TUBA3E: variants seen among roughly 807,000 people sequenced by gnomAD.
The protein encoded by TUBA3E is tubulin alpha 3e.
In TUBA3E, 21 loss-of-function variants were observed where a neutral mutation model predicts 36.7. The ratio of observed to expected loss-of-function variants is 0.57; its 90% CI spans 0.41 to 0.83. The LOEUF is 0.83. Ranked by LOEUF, TUBA3E falls within the 40% of genes least tolerant of loss-of-function variation. The probability of loss-of-function intolerance (pLI) is 0.00; values close to 1 mark genes in which losing one functional copy is unlikely to be tolerated. For missense variants in TUBA3E, 469 were observed against 604.2 expected (o/e 0.78, Z 2.35); for synonymous variants, 177 against 241.9 (o/e 0.73, Z 2.49).
intron 1 of TUBA3E, 145 bp from the exon 2 acceptor site, chr2:130,196,516 C>A (rs1690409212): frequency 8.9e-7 from 1 of 1,121,092 alleles, no homozygotes; most frequent in South Asian, 1.7e-5. Context: ...GGGTTAGTGA[C>A]TGATCCCTTT....
chr2:130,198,386 C>G lies in TUBA3E; in HGVS notation c.-26G>C, dbSNP rs6758642. On this transcript the variant is annotated 5_prime_UTR_variant, in exon 1 of 5. Transcript: ENST00000312988. ...GGCGAACTCCGCTGCTTCAGCCCAA[C>G]GCTACTTCCAGACCTCAACCGGCTG... 8 of 1,356,296 alleles carry G rather than the reference C, an allele frequency of 5.9e-6. 3 individuals are homozygous for G. Among genetic ancestry groups the G allele is most frequent in the Non-Finnish European group, 6.0e-6 (6 of 995,478 alleles). 84.0% of individuals were successfully genotyped at this position (1,356,296 alleles called of 1,614,324 possible). A position where few individuals can be genotyped will look rare whatever the true frequency, so the allele number is the denominator to read the frequency against.
intron 2 of TUBA3E, 41 bp from the exon 3 acceptor site, chr2:130,195,268 G>A (rs1457640782): frequency 1.2e-6 from 2 of 1,603,368 alleles, no homozygotes; most frequent in Admixed American, 1.7e-5. Flanking sequence ...TTTAAGGCCT[G>A]TACTCACCAA....
chr2:130,192,137 A>G lies in TUBA3E; in HGVS notation c.1057-10T>C. On this transcript the variant is annotated splice_polypyrimidine_tract_variant and intron_variant, in intron 4 of 4. Coordinates refer to ENST00000312988, the MANE Select transcript of TUBA3E (RefSeq NM_207312.3). ...GGTAGTTAATGCCCACCTGCCAGAG[A>G]AGGGAAAGAAAGCAGTCCGTGAAGC... 1 of 1,589,254 alleles carries G rather than the reference A, an allele frequency of 6.3e-7. No individual in the cohort carries two copies. The highest frequency in any genetic ancestry group is 8.6e-7 in the Non-Finnish European group (1 of 1,166,996).
At chr2:130,195,425 C>T (rs555284685) in intron 2 of TUBA3E, among the ~76,000 whole-genome samples, 198 bp from the exon 3 acceptor site, 10 of 152,232 alleles carry the variant, frequency 6.6e-5, no homozygotes, top group African/African-American at 1.4e-4. Context: ...TATGACTCTA[C>T]GACGTTAAAC....
chr2:130,197,505 A>AG (rs1690440131), intron 1 of TUBA3E, among the ~76,000 whole-genome samples: 1 of 109,048 alleles, frequency 9.2e-6, no homozygotes, highest in African/African-American at 4.3e-5. Flanking sequence ...AAAAAAAAAA[A>AG]AAAGAAAAGA....
At chr2:130,192,939 C>A (rs1340894263) in intron 4 of TUBA3E, among the ~76,000 whole-genome samples, 3 of 152,058 alleles carry the variant, frequency 2.0e-5, no homozygotes, top group Non-Finnish European at 2.9e-5. Flanking sequence ...ACTAAAAATA[C>A]AAAAATTAGC....
At chr2:130,196,417 T>G in intron 1 of TUBA3E, 46 bp from the exon 2 acceptor site, 1 of 1,594,516 alleles carries the variant, frequency 6.3e-7, no homozygotes, top group Non-Finnish European at 8.6e-7. Context: ...TCAAGGCAAC[T>G]TGAAACTATA....
rs371380104 is a variant in TUBA3E at position 130,195,172 on chromosome 2, G to A, written c.282C>T (p.Thr94=). The change falls in exon 3 of 5, where the codon ACC becomes ACT. Residue 94 remains threonine, a synonymous_variant. Transcript: ENST00000312988. ...RQLFHPEQLI[T]GKEDAASNYA... is the part of the protein sequence containing the mutation. ...AATTACTGGCTGCATCTTCCTTCCCGGTGATCAGCTGCTCTGGGTGGAAGA... is the reference window on the plus strand; with the variant it reads ...AATTACTGGCTGCATCTTCCTTCCCAGTGATCAGCTGCTCTGGGTGGAAGA... The A allele has an allele frequency of 4.5e-5, 72 of 1,613,894 alleles. 2 individuals carry two copies. The African/African-American group carries it at 5.3e-4, about 12-fold the overall frequency.
Position 130,194,169 on chromosome 2 carries a change from T to C in TUBA3E, c.673A>G (p.Thr225Ala). 3 of 1,613,756 alleles carry C rather than the reference T, an allele frequency of 1.9e-6. No homozygotes were observed. The highest frequency in any genetic ancestry group is 2.5e-6 in the Non-Finnish European group (3 of 1,180,000). Residue 225 changes from threonine (T) to alanine (A), a missense_variant, in exon 4 of 5, where the codon ACC becomes GCC. By Grantham distance (58) the Thr-to-Ala change is moderately conservative. This residue lies in a region of TUBA3E where 296 missense variants were observed against 346.9 expected (regional missense o/e 0.85). Transcript: ENST00000312988. ...RNLDIERPTYTNLNRLIGQIV... is the reference protein window; with the variant it reads ...RNLDIERPTYANLNRLIGQIV... ...TGCCCAATCAGGCGATTGAGGTTGG[T>C]GTACGTGGGACGTTCAATGTCCAGG...
rs922057429 is a variant in TUBA3E at position 130,196,416 on chromosome 2, C to T, written c.4-45G>A. On this transcript the variant is annotated intron_variant, in intron 1 of 4. Coordinates refer to ENST00000312988, the MANE Select transcript of TUBA3E (RefSeq NM_207312.3). Reference sequence around the variant, plus strand: ...TGTGAACCCATTCATTTCAAGGCAACTTGAAACTATATGGCATGCAAAATA... The same window carrying T: ...TGTGAACCCATTCATTTCAAGGCAATTTGAAACTATATGGCATGCAAAATA... The T allele has an allele frequency of 3.1e-6, 5 of 1,594,540 alleles. No homozygotes were observed. The African/African-American group carries it at 6.7e-5, about 21-fold the overall frequency.
At position 130,198,382 on chromosome 2, in the gene TUBA3E, C is replaced by T. The variant is rs758345235; in HGVS notation, c.-22G>A. 7.4e-7 allele frequency: 1 copy of T among 1,356,988 alleles called. No individual in the cohort carries two copies. The highest frequency in any genetic ancestry group is 1.0e-6 in the Non-Finnish European group (1 of 995,566). The allele number at this position is 1,356,988 out of a possible 1,614,324, so 84.1% of individuals were successfully genotyped here. ...CCATGGCGAACTCCGCTGCTTCAGC[C>T]CAACGCTACTTCCAGACCTCAACCG... On this transcript the variant is annotated 5_prime_UTR_variant, in exon 1 of 5. Transcript: ENST00000312988.
intron 1 of TUBA3E, 71 bp from the exon 2 acceptor site, chr2:130,196,442 T>C: frequency 1.3e-6 from 2 of 1,558,572 alleles, no homozygotes; most frequent in South Asian, 2.4e-5. Context: ...ATGCAAAATA[T>C]TCTAATTTAA....
rs781384429 is a variant in TUBA3E at position 130,192,030 on chromosome 2, G to T, written c.1154C>A (p.Ala385Glu). ...ATGGACCAGGCGGGCCCAGGCCTCC[G>T]CAATGGCCGTGGTGTTGCTCAGCAT... ...VCMLSNTTAI[A>E]EAWARLVHKF... is the part of the protein sequence containing the mutation. The change falls in exon 5 of 5, where the codon GCG becomes GAG. Residue 385 changes from alanine (A) to glutamate (E), a missense_variant. By Grantham distance (107) the Ala-to-Glu change is moderately radical (BLOSUM62 -1). This residue lies in a region of TUBA3E where 296 missense variants were observed against 346.9 expected (regional missense o/e 0.85). Transcript: ENST00000312988. 16 of 1,613,920 alleles carry T rather than the reference G, an allele frequency of 9.9e-6. No homozygotes were observed. Among genetic ancestry groups the T allele is most frequent in the Admixed American group, 1.7e-5 (1 of 59,994 alleles).
chr2:130,193,672 C>T (rs1013770858), intron 4 of TUBA3E, 114 bp downstream of exon 4: 6 of 1,316,576 alleles, frequency 4.6e-6, no homozygotes, highest in Non-Finnish European at 6.2e-6. Flanking sequence ...CTTATGCCCA[C>T]ATGCCTAGCC....
Position 130,194,595 on chromosome 2 carries a change from A to G in TUBA3E, c.376-129T>C, listed in dbSNP as rs1690359415. The G allele has an allele frequency of 3.3e-6, 4 of 1,221,696 alleles. No individual in the cohort carries two copies. In the African/African-American group the frequency reaches 4.6e-5, roughly 14 times the overall value. The allele number at this position is 1,221,696 out of a possible 1,614,324, so 75.7% of individuals were successfully genotyped here. On this transcript the variant is annotated intron_variant, in intron 3 of 4. Transcript: ENST00000312988. Reference sequence around the variant, plus strand: ...TTCAAATCATCCATAATAAACATGCAATACACTTTGAAGCAAAGAAAAGCA... The same window carrying G: ...TTCAAATCATCCATAATAAACATGCGATACACTTTGAAGCAAAGAAAAGCA...
chr2:130,194,516 C>G, intron 3 of TUBA3E, 50 bp from the exon 4 acceptor site: 6 of 1,501,534 alleles, frequency 4.0e-6, no homozygotes, highest in Non-Finnish European at 5.4e-6. Flanking sequence ...GCCACACCAC[C>G]AACCTCCAAC....
At position 130,192,056 on chromosome 2, in the gene TUBA3E, G is replaced by C. The variant is rs553741083; in HGVS notation, c.1128C>G (p.Cys376Trp). 1.1e-5 allele frequency: 18 copies of C among 1,614,006 alleles called. No homozygotes were observed. The highest frequency in any genetic ancestry group is 1.5e-5 in the Non-Finnish European group (18 of 1,179,926). Residue 376 changes from cysteine (C) to tryptophan (W), a missense_variant, in exon 5 of 5, where the codon TGC becomes TGG. By Grantham distance (215) the Cys-to-Trp change is radical (BLOSUM62 -2). Transcript: ENST00000312988. Reference protein sequence around the residue: ...GDLAKVQRAVCMLSNTTAIAE... With the variant: ...GDLAKVQRAVWMLSNTTAIAE... ...CAATGGCCGTGGTGTTGCTCAGCAT[G>C]CACACGGCCCGCTGCACCTTGGCCA...
chr2:130,196,283 T>C lies in TUBA3E; in HGVS notation c.92A>G (p.Gln31Arg), dbSNP rs754455424. The stretch of plus-strand genomic sequence containing the variant: ...ATCACTTGGCATTTGACCATCGGGC[T>C]GAATTCCATGTTCAAGGCAGTACAG... ...WELYCLEHGI[Q>R]PDGQMPSDKT... Residue 31 changes from glutamine (Q) to arginine (R), a missense_variant, in exon 2 of 5, where the codon CAG becomes CGG. Gln to Arg is a conservative substitution (Grantham distance 43). Around this residue, in one of 3 missense-constraint regions of TUBA3E, gnomAD observed 169 missense variants for 239.0 expected, o/e 0.71. Transcript: ENST00000312988. The C allele has an allele frequency of 3.1e-6, 5 of 1,614,088 alleles. No individual in the cohort carries two copies. In the East Asian group the frequency reaches 1.1e-4, roughly 36 times the overall value.
intron 1 of TUBA3E, among the ~76,000 whole-genome samples, chr2:130,197,870 A>T (rs1690451221): frequency 8.0e-6 from 1 of 124,990 alleles, no homozygotes; most frequent in South Asian, 2.7e-4. Context: ...CACCTCCCCA[A>T]GGGCTGGGAT....
Sources: allele counts gnomAD v4.1 joint callset (sites outside exome capture counted in the v4.1 genomes callset), GRCh38; gene constraint gnomAD v4.1.1; regional missense constraint gnomAD v4.1.1; transcripts MANE v1.5; gene names NCBI Gene and HGNC (gene_info 2026-07-23, HGNC 2026-07-21).